RSPO2: variants seen among roughly 807,000 people sequenced by gnomAD.
The protein encoded by RSPO2 is R-spondin-2.
A neutral mutation model predicts 30.9 loss-of-function variants in RSPO2; 14 were observed. The observed-to-expected ratio is 0.45, with a 90% CI of 0.30 to 0.71. The LOEUF (loss-of-function observed/expected upper bound fraction) is 0.71. Among genes scored for constraint, RSPO2 ranks in the 30% least tolerant of loss-of-function variants. The pLI, the probability that RSPO2 is intolerant of heterozygous loss-of-function variation, is 0.08. For missense variants in RSPO2, 264 were observed against 301.9 expected (o/e 0.87, Z 0.93); for synonymous variants, 107 against 96.4 (o/e 1.11, Z -0.64).
Position 108,038,121 on chromosome 8 carries a change from C to T in RSPO2, c.94+44424G>A, listed in dbSNP as rs140027589. On this transcript the variant is annotated intron_variant, in intron 2 of 5. Coordinates refer to ENST00000276659, the MANE Select transcript of RSPO2 (RefSeq NM_178565.5). ...CCAGGAAAGGGTTCACCCTTCTAGA[C>T]GCCATTAAAAACATTAGTGATTCAT... Among the ~76,000 whole-genome samples the T allele has an allele frequency of 1.9e-3, 289 of 152,234 alleles. 1 individual carries two copies. Among genetic ancestry groups the T allele is most frequent in the African/African-American group, 6.1e-3 (254 of 41,548 alleles).
chr8:107,996,531 A>G (rs1050004371), intron 2 of RSPO2, among the ~76,000 whole-genome samples: 2 of 152,208 alleles, frequency 1.3e-5, no homozygotes, highest in Admixed American at 6.5e-5. Context: ...TTTATAAATA[A>G]AAGGAGATTC....
At chr8:108,070,067 G>A (rs1273350465) in intron 2 of RSPO2, among the ~76,000 whole-genome samples, 3 of 152,140 alleles carry the variant, frequency 2.0e-5, no homozygotes, top group African/African-American at 7.2e-5. Context: ...AAGAATTGAG[G>A]TATACACCTT....
rs796318482 is a variant in RSPO2, at chr8:107,902,656, T to G, written c.617-1466A>C. Among the ~76,000 whole-genome samples, 23 of 152,206 alleles carry G rather than the reference T, an allele frequency of 1.5e-4. 1 individual carries two copies. The highest frequency in any genetic ancestry group is 5.5e-4 in the African/African-American group (23 of 41,560). ...TTCTGTTCTTTCTGATCAGAAAGGA[T>G]CTGTTTTAAGGATGGAAAACAGGCT... is the stretch of plus-strand genomic sequence containing the variant. On this transcript the variant is annotated intron_variant, in intron 5 of 5. Coordinates refer to ENST00000276659, the MANE Select transcript of RSPO2 (RefSeq NM_178565.5).
chr8:107,982,009 CAAAAAAAAAAA>C (rs372977834), intron 3 of RSPO2, among the ~76,000 whole-genome samples: 1 of 55,376 alleles, frequency 1.8e-5, no homozygotes, highest in Non-Finnish European at 3.2e-5. Context: ...ACAACAACAA[CAAAAAAAAAAA>C]AAAAAAAAAA....
chr8:108,072,909 C>CA (rs1440180828), intron 2 of RSPO2: 1 of 152,150 alleles, frequency 6.6e-6, no homozygotes, highest in Non-Finnish European at 1.5e-5. Context: ...TGGGCAACTC[C>CA]AAATTTCACC....
intron 2 of RSPO2, among the ~76,000 whole-genome samples, chr8:108,044,836 C>T (rs1282533262): frequency 6.6e-6 from 1 of 152,082 alleles, no homozygotes; most frequent in Non-Finnish European, 1.5e-5. Context: ...TAGAAGCGTT[C>T]CCTACTAAAT....
At chr8:108,057,103 A>C (rs1291095934) in intron 2 of RSPO2, among the ~76,000 whole-genome samples, 1 of 146,562 alleles carries the variant, frequency 6.8e-6, no homozygotes, top group African/African-American at 2.5e-5. Flanking sequence ...GACGTATAAA[A>C]TATAAGGTTA....
intron 3 of RSPO2, among the ~76,000 whole-genome samples, chr8:107,977,613 G>C (rs886289484): frequency 6.6e-6 from 1 of 152,148 alleles, no homozygotes; most frequent in African/African-American, 2.4e-5. Context: ...GGGTCTGAGA[G>C]AGACAGACAC....
At chr8:107,980,578 A>T in intron 3 of RSPO2, among the ~76,000 whole-genome samples, 1 of 152,358 alleles carries the variant, frequency 6.6e-6, no homozygotes, top group African/African-American at 2.4e-5. Context: ...ATCAGAATAC[A>T]GTCCCTGAAT....
Position 108,022,477 on chromosome 8 carries a change from C to T in RSPO2, c.95-33233G>A, listed in dbSNP as rs190280966. ...GTTTATATGTGTGTATAGGTATAAA[C>T]ACAAGAAAATACCAGAAATTTATAT... On this transcript the variant is annotated intron_variant, in intron 2 of 5. Transcript: ENST00000276659. Among the ~76,000 whole-genome samples the T allele has an allele frequency of 3.7e-3, 568 of 152,234 alleles. 2 individuals are homozygous for T. The highest frequency in any genetic ancestry group is 0.013 in the African/African-American group (535 of 41,542).
chr8:107,939,082 G>C (rs2130368745), intron 5 of RSPO2, among the ~76,000 whole-genome samples: 1 of 152,278 alleles, frequency 6.6e-6, no homozygotes, highest in East Asian at 1.9e-4. Context: ...AAGGGATTCT[G>C]AAGAAAGGAA....
chr8:107,968,289 C>T (rs1293332509), intron 3 of RSPO2, among the ~76,000 whole-genome samples: 1 of 152,062 alleles, frequency 6.6e-6, no homozygotes, highest in Non-Finnish European at 1.5e-5. Flanking sequence ...GAAATCCTGT[C>T]ATTTCCAGTG....
intron 5 of RSPO2, among the ~76,000 whole-genome samples, chr8:107,943,737 G>A (rs1249073135): frequency 6.6e-6 from 1 of 152,132 alleles, no homozygotes; most frequent in Non-Finnish European, 1.5e-5. Flanking sequence ...ACCAAATAGA[G>A]GAAGATCTGA....
chr8:108,082,644 C>T lies in RSPO2; in HGVS notation c.-6G>A, dbSNP rs182423206. 165 of 1,612,644 alleles carry T rather than the reference C, an allele frequency of 1.0e-4. No homozygotes were observed. The African/African-American group carries it at 2.1e-3, about 20-fold the overall frequency. The stretch of plus-strand genomic sequence containing the variant: ...GAGAAAAGGCGAAACTGCATCTGGG[C>T]GGTCGGGCGGGGGAGAGACGCCTCT... On this transcript the variant is annotated 5_prime_UTR_variant, in exon 2 of 6. Transcript: ENST00000276659.
At chr8:107,973,783 TC>T (rs928450008) in intron 3 of RSPO2, among the ~76,000 whole-genome samples, 6 of 152,060 alleles carry the variant, frequency 3.9e-5, no homozygotes, top group Non-Finnish European at 8.8e-5. Context: ...CTTCCTTTTT[TC>T]CCCCCATCTT....
At chr8:107,970,378 A>T (rs1398791830) in intron 3 of RSPO2, among the ~76,000 whole-genome samples, 3 of 152,184 alleles carry the variant, frequency 2.0e-5, no homozygotes, top group Non-Finnish European at 2.9e-5. Flanking sequence ...TAGCAGTCCA[A>T]ATTTTGCCCT....
intron 2 of RSPO2, among the ~76,000 whole-genome samples, chr8:108,043,707 G>C (rs1811823789): frequency 6.6e-6 from 1 of 151,936 alleles, no homozygotes; most frequent in Non-Finnish European, 1.5e-5. Context: ...TGGCAACTTG[G>C]CTGAACTTTA....
intron 3 of RSPO2, among the ~76,000 whole-genome samples, chr8:107,971,683 G>T (rs1248136792): frequency 6.6e-6 from 1 of 152,154 alleles, no homozygotes; most frequent in African/African-American, 2.4e-5. Flanking sequence ...AATTAAGATT[G>T]CTTTATTGCA....
At chr8:107,917,247 G>A (rs1812010643) in intron 5 of RSPO2, among the ~76,000 whole-genome samples, 1 of 152,114 alleles carries the variant, frequency 6.6e-6, no homozygotes, top group Admixed American at 6.5e-5. Context: ...CACTTAGGGA[G>A]GCCAAGGCAG....
Sources: allele counts gnomAD v4.1 joint callset (sites outside exome capture counted in the v4.1 genomes callset), GRCh38; gene constraint gnomAD v4.1.1; transcripts MANE v1.5; gene names NCBI Gene and HGNC (gene_info 2026-07-23, HGNC 2026-07-21).